PWWP2A: variants seen among roughly 807,000 people sequenced by gnomAD.
PWWP2A encodes the protein PWWP domain-containing protein 2A.
A neutral mutation model predicts 48.5 loss-of-function variants in PWWP2A; 18 were observed. The observed-to-expected ratio is 0.37, with a 90% confidence interval of 0.26 to 0.55. The LOEUF (loss-of-function observed/expected upper bound fraction) is 0.55, where lower values mean the gene tolerates loss of function less well. Among genes scored for constraint, PWWP2A ranks in the 20% least tolerant of loss-of-function variants. The pLI, the probability that PWWP2A is intolerant of heterozygous loss-of-function variation, is 0.81. For synonymous variants in PWWP2A, 396 were observed against 387.7 expected (o/e 1.02, Z -0.25); for missense variants, 867 against 976.4 (o/e 0.89, Z 1.49).
chr5:160,062,412 C>T (rs1753444098), intron 5 of PWWP2A, among the ~76,000 whole-genome samples: 1 of 152,204 alleles, frequency 6.6e-6, no homozygotes, highest in Non-Finnish European at 1.5e-5. Flanking sequence ...AGCACTGTGG[C>T]ATGTAGCCTC....
chr5:160,075,175 T>C (rs4446508), downstream of PWWP2A, among the ~76,000 whole-genome samples: 91,282 of 151,878 alleles, frequency 0.6, 27,419 homozygotes, highest in East Asian at 0.62. Context: ...TAATCTTCCC[T>C]GGTTCTCCCT....
At chr5:160,049,797 G>T in the PWWP2A span, 2 of 779,122 alleles carry the variant, frequency 2.6e-6, no homozygotes, top group Non-Finnish European at 3.7e-6. Flanking sequence ...TATATGGGAG[G>T]CCAGGCGCAG....
chr5:160,052,410 C>G, the PWWP2A span, among the ~76,000 whole-genome samples: 2 of 151,618 alleles, frequency 1.3e-5, no homozygotes, highest in Non-Finnish European at 2.9e-5. Context: ...TCACTTGAGC[C>G]CAAGGGTTAG....
the PWWP2A span, among the ~76,000 whole-genome samples, chr5:160,053,702 G>C: frequency 6.6e-6 from 1 of 152,194 alleles, no homozygotes; most frequent in East Asian, 1.9e-4. Flanking sequence ...TTTCTGTGAA[G>C]AATGTCATTG....
At position 160,081,134 on chromosome 5, in the gene PWWP2A, G is replaced by A. The variant is rs543089637; in HGVS notation, c.1550-364C>T. Among the ~76,000 whole-genome samples the A allele has an allele frequency of 1.9e-3, 286 of 152,028 alleles. 2 individuals are homozygous for A. Among genetic ancestry groups the A allele is most frequent in the Non-Finnish European group, 3.5e-3 (239 of 67,986 alleles). On this transcript the variant is annotated intron_variant, in intron 2 of 3. Coordinates refer to the PWWP2A transcript ENST00000456329. ...ACAAAAAATGTTTTACTAATCTCACGTTAGCCTATGTTGGAGAAGTCCTGA... is the reference window on the plus strand; with the variant it reads ...ACAAAAAATGTTTTACTAATCTCACATTAGCCTATGTTGGAGAAGTCCTGA...
At chr5:160,117,933 A>C (rs1758303030) in intron 1 of PWWP2A, 1 of 952,068 alleles carries the variant, frequency 1.1e-6, no homozygotes, top group African/African-American at 1.8e-5. Context: ...TATCTGCAAA[A>C]GAAGAGAATA....
Position 160,092,552 on chromosome 5 carries a change from T to C in PWWP2A, c.2098A>G (p.Thr700Ala), listed in dbSNP as rs1051416021. Residue 700 changes from threonine to alanine, a missense_variant, in exon 2 of 2, where the codon ACA becomes GCA. Coordinates refer to ENST00000307063, the MANE Select transcript of PWWP2A (RefSeq NM_001130864.2). ...EARISWFGSP[T>A]TSFLALSQLS... The stretch of plus-strand genomic sequence containing the variant: ...TGTGAAAGAGCAAGGAAAGATGTTG[T>C]TGGAGACCCAAACCATGAAATACGG... The C allele has an allele frequency of 2.6e-6, 4 of 1,551,552 alleles. No individual in the cohort carries two copies. The highest frequency in any genetic ancestry group is 2.0e-5 in the Admixed American group (1 of 50,978).
At chr5:160,104,122 CA>C (rs70990703) in intron 1 of PWWP2A, among the ~76,000 whole-genome samples, 43 of 61,754 alleles carry the variant, frequency 7.0e-4, no homozygotes, top group South Asian at 1.7e-3. Flanking sequence ...GACTCTGTCT[CA>C]AAAAAAAAAA....
At chr5:160,095,782 C>A (rs1473015393) in intron 1 of PWWP2A, among the ~76,000 whole-genome samples, 1 of 151,262 alleles carries the variant, frequency 6.6e-6, no homozygotes, top group Non-Finnish European at 1.5e-5. Flanking sequence ...GCAGCCTCGA[C>A]CTCCTAGGCT....
downstream of PWWP2A, among the ~76,000 whole-genome samples, chr5:160,087,335 T>A (rs968595654): frequency 1.4e-5 from 2 of 146,902 alleles, no homozygotes; most frequent in African/African-American, 2.5e-5. Context: ...GGCTGTGATC[T>A]CGCCACTGCA....
In PWWP2A at chr5:160,109,510, G is replaced by A. The variant is rs189854403; in HGVS notation, c.584+9295C>T. ...TCAGAAGCCTGGGCTGAAGGCTTTT[G>A]CTCTTTGCAAATAGTCTTGAGTGGT... On this transcript the variant is annotated intron_variant, in intron 1 of 1. Transcript: ENST00000307063. 2.3e-3 allele frequency among the ~76,000 whole-genome samples: 347 copies of A among 151,918 alleles called. 1 individual carries two copies. Among genetic ancestry groups the A allele is most frequent in the African/African-American group, 7.8e-3 (325 of 41,432 alleles).
chr5:160,109,256 T>C (rs1757199292), intron 1 of PWWP2A, among the ~76,000 whole-genome samples: 1 of 152,002 alleles, frequency 6.6e-6, no homozygotes, highest in Non-Finnish European at 1.5e-5. Context: ...AATGCTAGGA[T>C]TACAGTCATG....
the PWWP2A span, among the ~76,000 whole-genome samples, chr5:160,055,886 G>A: frequency 6.6e-6 from 1 of 152,368 alleles, no homozygotes; most frequent in African/African-American, 2.4e-5. Context: ...ATTTCAGAAT[G>A]TGTGGTCTTC....
the PWWP2A span, among the ~76,000 whole-genome samples, chr5:160,045,514 ATACACACT>A: frequency 3.8e-3 from 114 of 29,712 alleles, no homozygotes; most frequent in Non-Finnish European, 4.6e-3. Context: ...ACACACACAC[ATACACACT>A]CTCTCTCTCT....
chr5:160,116,495 C>A (rs1758156608), intron 1 of PWWP2A, among the ~76,000 whole-genome samples: 1 of 152,130 alleles, frequency 6.6e-6, no homozygotes, highest in Non-Finnish European at 1.5e-5. Flanking sequence ...GTAATAGGAT[C>A]CTTTCACTTC....
chr5:160,055,512 G>A, the PWWP2A span, among the ~76,000 whole-genome samples: 2 of 152,342 alleles, frequency 1.3e-5, no homozygotes, highest in Non-Finnish European at 2.9e-5. Context: ...TTTTGGAGCT[G>A]CATCTCAGAT....
At position 160,118,859 on chromosome 5, in the gene PWWP2A, G is replaced by A; in HGVS notation, c.530C>T (p.Ser177Leu). ...GAAGAGCTTCTCCCCGAAGCGGAAC[G>A]ACACGACAAGCGCGTCCTCAATGAT... ...DHIIEDALVV[S>L]FRFGEKLFSG... Residue 177 changes from serine (S) to leucine (L), a missense_variant, in exon 1 of 2, where the codon TCG becomes TTG. By Grantham distance (145) the Ser-to-Leu change is moderately radical (BLOSUM62 -2). Coordinates refer to ENST00000307063, the MANE Select transcript of PWWP2A (RefSeq NM_001130864.2). 6.3e-7 allele frequency: 1 copy of A among 1,591,392 alleles called. No individual in the cohort carries two copies. Among genetic ancestry groups the A allele is most frequent in the Non-Finnish European group, 8.5e-7 (1 of 1,170,540 alleles).
downstream of PWWP2A, chr5:160,089,385 CAG>C (rs1233327811): frequency 1.9e-5 from 7 of 368,036 alleles, no homozygotes; most frequent in Non-Finnish European, 3.3e-5. Context: ...TATTTTTCTG[CAG>C]AGATGGCAGC....
chr5:160,067,445 T>A (rs774545888), intron 2 of PWWP2A, among the ~76,000 whole-genome samples: 1 of 152,132 alleles, frequency 6.6e-6, no homozygotes, highest in Non-Finnish European at 1.5e-5. Flanking sequence ...AGGGCTGAGA[T>A]TCCAGAAGGA....
Sources: gnomAD v4.1 joint callset for allele counts (sites outside exome capture counted in the v4.1 genomes callset) on GRCh38, gnomAD v4.1.1 for gene constraint, MANE v1.5 for transcripts, NCBI Gene and HGNC (gene_info 2026-07-23, HGNC 2026-07-21) for gene names.